The following ERCC6 variants were observed in gnomAD, a reference collection of about 807,000 sequenced individuals.
ERCC6 encodes ERCC excision repair 6, chromatin remodeling factor, also known as DNA excision repair protein ERCC-6.
Under a neutral mutation model 158.7 loss-of-function variants are expected in ERCC6, and 116 were observed. The ratio of observed to expected loss-of-function variants is 0.73; its 90% CI spans 0.63 to 0.85. The LOEUF (loss-of-function observed/expected upper bound fraction) is 0.85. Among genes scored for constraint, ERCC6 ranks in the 40% least tolerant of loss-of-function variants. The pLI, the probability that ERCC6 is intolerant of heterozygous loss-of-function variation, is 0.00. For missense variants in ERCC6, 1,698 were observed against 1,799.4 expected, an observed-to-expected ratio of 0.94 and a Z score of 1.02; for synonymous variants, 678 against 659.3, an observed-to-expected ratio of 1.03 and a Z score of -0.43.
the ERCC6 span, among the ~76,000 whole-genome samples, chr10:49,436,279 T>C: frequency 2.4e-4 from 36 of 151,928 alleles, no homozygotes; most frequent in African/African-American, 8.2e-4. Context: ...AAATGTAGAG[T>C]AGGAAAAGAT....
intron 5 of ERCC6, among the ~76,000 whole-genome samples, chr10:49,514,278 A>C (rs1836886654): frequency 6.6e-6 from 1 of 152,224 alleles, no homozygotes; most frequent in African/African-American, 2.4e-5. Flanking sequence ...TCCAAGTAAC[A>C]GTAAAATCAG....
intron 18 of ERCC6, among the ~76,000 whole-genome samples, chr10:49,465,567 T>G (rs532002241): frequency 7.2e-5 from 11 of 152,320 alleles, no homozygotes; most frequent in African/African-American, 2.6e-4. Context: ...CAGCCAAATC[T>G]CATCTTGAAT....
At chr10:49,526,151 A>T (rs953815392) in intron 4 of ERCC6, among the ~76,000 whole-genome samples, 4 of 86,210 alleles carry the variant, frequency 4.6e-5, no homozygotes, top group Non-Finnish European at 7.3e-5. Context: ...ATATATATAT[A>T]TATATATATA....
At chr10:49,515,936 T>C in intron 5 of ERCC6, 1 of 1,614,218 alleles carries the variant, frequency 6.2e-7, no homozygotes, top group Non-Finnish European at 8.5e-7. Context: ...CTCTTTCTTT[T>C]TTCTTTAAAG....
intron 2 of ERCC6, among the ~76,000 whole-genome samples, chr10:49,531,891 A>G (rs1386789963): frequency 6.6e-6 from 1 of 152,112 alleles, no homozygotes; most frequent in Non-Finnish European, 1.5e-5. Flanking sequence ...AGCAATGATA[A>G]GTGAGCTCAA....
chr10:49,507,323 T>C (rs1851460337), intron 5 of ERCC6, among the ~76,000 whole-genome samples: 1 of 152,158 alleles, frequency 6.6e-6, no homozygotes, highest in Non-Finnish European at 1.5e-5. Flanking sequence ...AAAGGACCTA[T>C]AAATAAGATC....
Position 49,493,211 on chromosome 10 carries a change from G to A in ERCC6, c.1727C>T (p.Thr576Ile), listed in dbSNP as rs1361909458. Residue 576 changes from threonine to isoleucine, a missense_variant, in exon 8 of 21, where the codon ACA (threonine) becomes ATA (isoleucine). Coordinates refer to ENST00000355832, the MANE Select transcript of ERCC6 (RefSeq NM_000124.4). ...TTCCTTCACCCACTGATGCATCACTGTTGTTGGACAGACAATTACAGTTGG... is the reference window on the plus strand; with the variant it reads ...TTCCTTCACCCACTGATGCATCACTATTGTTGGACAGACAATTACAGTTGG... ...LGPTVIVCPT[T>I]VMHQWVKEFH... 1.9e-6 allele frequency: 3 copies of A among 1,613,980 alleles called. No individual in the cohort carries two copies. The highest frequency in any genetic ancestry group is 2.5e-6 in the Non-Finnish European group (3 of 1,180,008).
downstream of ERCC6, among the ~76,000 whole-genome samples, chr10:49,452,151 GGTTTA>G (rs1257296071): frequency 6.6e-6 from 1 of 151,138 alleles, no homozygotes; most frequent in Non-Finnish European, 1.5e-5. Context: ...GCTTGCTTTA[GGTTTA>G]GTTTGTTCTT....
chr10:49,450,245 T>C (rs1850405695), downstream of ERCC6, among the ~76,000 whole-genome samples: 1 of 152,222 alleles, frequency 6.6e-6, no homozygotes, highest in South Asian at 2.1e-4. Context: ...CCCAGCACCA[T>C]TTGTTGAAAA....
At chr10:49,448,125 C>A in the ERCC6 span, among the ~76,000 whole-genome samples, 5 of 152,164 alleles carry the variant, frequency 3.3e-5, no homozygotes, top group Non-Finnish European at 5.9e-5. Context: ...CTATTTTTCA[C>A]AGTGGTTGCA....
chr10:49,470,135 A>G, intron 18 of ERCC6, 47 bp downstream of exon 18: 1 of 1,560,048 alleles, frequency 6.4e-7, no homozygotes, highest in Admixed American at 1.7e-5. Flanking sequence ...CAGCCTACTC[A>G]TTTTCTAATC....
intron 5 of ERCC6, among the ~76,000 whole-genome samples, chr10:49,521,548 T>C (rs1837163189): frequency 6.6e-6 from 1 of 152,178 alleles, no homozygotes. Flanking sequence ...GAAAAAATAA[T>C]GTATGTTTTA....
intron 4 of ERCC6, chr10:49,525,023 AAT>A: frequency 1.2e-6 from 1 of 849,728 alleles, no homozygotes; most frequent in Non-Finnish European, 1.7e-6. Flanking sequence ...TTTCACTATA[AAT>A]ATACTCTCTG....
In ERCC6 at chr10:49,493,886, C is replaced by T. The variant is rs61851014; in HGVS notation, c.1686-634G>A. Among the ~76,000 whole-genome samples the T allele has an allele frequency of 3.2e-3, 495 of 152,316 alleles. 3 individuals are homozygous for T. Among genetic ancestry groups the T allele is most frequent in the Admixed American group, 5.6e-3 (86 of 15,296 alleles). On this transcript the variant is annotated intron_variant, in intron 7 of 20. Transcript: ENST00000355832. Reference sequence around the variant, plus strand: ...AAAGCACCATGGAGGAGCATCCGAGCGAGTGTTCTCTCCTGGGAAGCCCAC... The same window carrying T: ...AAAGCACCATGGAGGAGCATCCGAGTGAGTGTTCTCTCCTGGGAAGCCCAC...
intron 13 of ERCC6, 81 bp downstream of exon 13, chr10:49,473,946 C>T: frequency 7.9e-7 from 1 of 1,270,944 alleles, no homozygotes; most frequent in Non-Finnish European, 1.1e-6. Context: ...AGAATCATTA[C>T]TTTAGATTGA....
intron 2 of ERCC6, among the ~76,000 whole-genome samples, 178 bp downstream of exon 2, chr10:49,532,365 T>G (rs1374195908): frequency 6.6e-6 from 1 of 152,138 alleles, no homozygotes; most frequent in East Asian, 1.9e-4. Flanking sequence ...ATGCCACTCC[T>G]AAGGGGAAGG....
Position 49,515,695 on chromosome 10 carries a change from G to A in ERCC6, c.1397+8338C>T, listed in dbSNP as rs544775344. ...CATTTCTTTCCACGGATTGATGCCC[G>A]ATACTTATCAATGTTTTCATCAGCT... On this transcript the variant is annotated intron_variant, in intron 5 of 20. Transcript: ENST00000355832. 63 of 1,614,052 alleles carry A rather than the reference G, an allele frequency of 3.9e-5. 1 individual carries two copies. The highest frequency in any genetic ancestry group is 2.9e-4 in the South Asian group (26 of 91,062).
chr10:49,525,045 G>T, intron 4 of ERCC6: 1 of 682,574 alleles, frequency 1.5e-6, no homozygotes, highest in Non-Finnish European at 2.2e-6. Flanking sequence ...GCCATCCAAA[G>T]ATAGGCTTAT....
At chr10:49,530,923 G>T in intron 2 of ERCC6, 83 bp from the exon 3 acceptor site, 1 of 1,562,196 alleles carries the variant, frequency 6.4e-7, no homozygotes, top group Non-Finnish European at 8.7e-7. Flanking sequence ...CTAAAAACAT[G>T]TCCCTTTTAC....
Sources: allele counts gnomAD v4.1 joint callset (sites outside exome capture counted in the v4.1 genomes callset), GRCh38; gene constraint gnomAD v4.1.1; transcripts MANE v1.5; gene names NCBI Gene and HGNC (gene_info 2026-07-23, HGNC 2026-07-21).